ANTXR2: variants seen among roughly 807,000 people sequenced by gnomAD.
ANTXR2 encodes the protein ANTXR cell adhesion molecule 2.
A neutral mutation model predicts 73.7 loss-of-function variants in ANTXR2; 44 were observed. The observed-to-expected ratio is 0.60, with a 90% CI of 0.47 to 0.77. ANTXR2 has a LOEUF of 0.77. ANTXR2 is among the 30% of genes least tolerant of loss of function. The pLI is 0.00. For synonymous variants in ANTXR2, 217 were observed against 205.9 expected (o/e 1.05, Z -0.46); for missense variants, 604 against 592.5 (o/e 1.02, Z -0.20).
At chr4:79,926,936 CAT>C (rs1168631049) in intron 16 of ANTXR2, among the ~76,000 whole-genome samples, 17 of 68,024 alleles carry the variant, frequency 2.5e-4, no homozygotes, top group Admixed American at 6.0e-4. Context: ...TACACATGTG[CAT>C]ATATGTGTAT....
rs1279705822 is a variant in ANTXR2 at position 80,015,974 on chromosome 4, AAAGGAAAGGAAAG to A, written c.945+2911_945+2923del. ...AAAGGAAAGGAAAGGAAAGGAAAGG[AAAGGAAAGGAAAG>A]GAAAGGAAAGGAAAGGAGGGAGAGG... is the stretch of plus-strand genomic sequence containing the variant. On this transcript the variant is annotated intron_variant, in intron 11 of 16. Transcript: ENST00000403729. Among the ~76,000 whole-genome samples, 118 of 147,224 alleles carry A rather than the reference AAAGGAAAGGAAAG, an allele frequency of 8.0e-4. 15 individuals carry two copies. The East Asian group carries it at 0.01, about 13-fold the overall frequency.
chr4:80,007,663 G>A (rs1272152699), intron 12 of ANTXR2, among the ~76,000 whole-genome samples: 1 of 152,116 alleles, frequency 6.6e-6, no homozygotes, highest in Non-Finnish European at 1.5e-5. Context: ...AGGGAGATGT[G>A]ACTACAGAAA....
At chr4:79,992,705 C>T (rs1730530525) in intron 12 of ANTXR2, among the ~76,000 whole-genome samples, 1 of 151,994 alleles carries the variant, frequency 6.6e-6, no homozygotes, top group Non-Finnish European at 1.5e-5. Context: ...TATGAACTTG[C>T]ATGTCCAAAA....
At chr4:80,052,486 T>A (rs886937441) in intron 7 of ANTXR2, among the ~76,000 whole-genome samples, 3 of 151,666 alleles carry the variant, frequency 2.0e-5, no homozygotes, top group Non-Finnish European at 4.4e-5. Flanking sequence ...AAACCAGGTT[T>A]GGTTGTAATG....
chr4:80,018,698 G>A (rs959437924), intron 11 of ANTXR2, among the ~76,000 whole-genome samples, 200 bp downstream of exon 11: 3 of 151,954 alleles, frequency 2.0e-5, no homozygotes, highest in Admixed American at 6.6e-5. Flanking sequence ...CTACCTTAAA[G>A]TTCCTATAAA....
chr4:79,980,925 A>T (rs1461417815), intron 14 of ANTXR2, among the ~76,000 whole-genome samples: 2 of 49,764 alleles, frequency 4.0e-5, no homozygotes, highest in Non-Finnish European at 7.6e-5. Context: ...GGGCTTTAAA[A>T]AAAAAAAAAA....
chr4:79,998,963 G>A (rs1336785853), intron 12 of ANTXR2, among the ~76,000 whole-genome samples: 4 of 151,940 alleles, frequency 2.6e-5, no homozygotes, highest in African/African-American at 9.7e-5. Context: ...TGTATGGAAA[G>A]CCCACGCACA....
intron 3 of ANTXR2, among the ~76,000 whole-genome samples, chr4:80,066,187 T>C (rs913470490): frequency 5.3e-5 from 8 of 152,180 alleles, no homozygotes; most frequent in African/African-American, 1.9e-4. Flanking sequence ...TTATTGGAGG[T>C]TGTCCTATGC....
At chr4:80,047,808 T>C (rs1398729363) in intron 7 of ANTXR2, among the ~76,000 whole-genome samples, 1 of 151,688 alleles carries the variant, frequency 6.6e-6, no homozygotes, top group Non-Finnish European at 1.5e-5. Flanking sequence ...CCTGACAACA[T>C]GATTGATTCC....
chr4:79,995,805 A>G (rs1325766087), intron 12 of ANTXR2, among the ~76,000 whole-genome samples: 1 of 151,978 alleles, frequency 6.6e-6, no homozygotes, highest in African/African-American at 2.4e-5. Context: ...TATATTTTCT[A>G]CATTGTTAAT....
chr4:79,907,455 T>A lies in ANTXR2; in HGVS notation c.1441A>T (p.Asn481Tyr). The change falls in exon 17 of 17, where the codon AAC becomes TAC. Residue 481 changes from asparagine to tyrosine, a missense_variant. Transcript: ENST00000403729. Reference sequence around the variant, plus strand: ...TACTGAGATGGAACTCGGGAGAAGTTTATGCACCGGCCCTGAAGAAAGAAA... The same window carrying A: ...TACTGAGATGGAACTCGGGAGAAGTATATGCACCGGCCCTGAAGAAAGAAA... ...PQEGDEGRCI[N>Y]FSRVPSQ The A allele has an allele frequency of 6.2e-7, 1 of 1,613,284 alleles. No homozygotes were observed. Among genetic ancestry groups the A allele is most frequent in the Non-Finnish European group, 8.5e-7 (1 of 1,179,470 alleles).
Position 80,060,654 on chromosome 4 carries a change from C to A in ANTXR2, c.297-4641G>T, listed in dbSNP as rs151315363. Among the ~76,000 whole-genome samples the A allele has an allele frequency of 4.0e-4, 61 of 152,204 alleles. 1 individual carries two copies. The East Asian group carries it at 0.012, about 29-fold the overall frequency. ...CATTACAGTATATTATTATAAATGT[C>A]CTATTTTGTTATTAGTTATGGTTGT... On this transcript the variant is annotated intron_variant, in intron 3 of 16. Coordinates refer to ENST00000403729, the MANE Select transcript of ANTXR2 (RefSeq NM_058172.6).
intron 16 of ANTXR2, among the ~76,000 whole-genome samples, chr4:79,976,937 G>A (rs188488223): frequency 6.6e-6 from 1 of 152,156 alleles, no homozygotes; most frequent in African/African-American, 2.4e-5. Flanking sequence ...ATATGAAAAG[G>A]TTTTAATCAA....
chr4:79,929,639 C>T (rs1727982274), intron 16 of ANTXR2, among the ~76,000 whole-genome samples: 1 of 152,144 alleles, frequency 6.6e-6, no homozygotes, highest in Admixed American at 6.5e-5. Context: ...GATAGGCCCC[C>T]AGGCATTTTA....
rs1734681005 is a variant in ANTXR2, at chr4:80,069,482, C to A, written c.250G>T (p.Val84Leu). 1 of 1,604,680 alleles carries A rather than the reference C, an allele frequency of 6.2e-7. No homozygotes were observed. The highest frequency in any genetic ancestry group is 1.3e-5 in the African/African-American group (1 of 74,862). ...ATAATAGTTGCTTGAGAAGAAAACA[C>A]AATGAAAGATAATCTCATTTCAGGG... Reference protein sequence around the residue: ...VSPEMRLSFIVFSSQATIILP... With the variant: ...VSPEMRLSFILFSSQATIILP... Residue 84 changes from valine (V) to leucine (L), a missense_variant, in exon 3 of 17, where the codon GTG becomes TTG. Val to Leu is a conservative substitution (Grantham distance 32). Transcript: ENST00000403729.
At chr4:80,009,634 G>T (rs1310995482) in intron 11 of ANTXR2, among the ~76,000 whole-genome samples, 1 of 152,052 alleles carries the variant, frequency 6.6e-6, no homozygotes, top group Non-Finnish European at 1.5e-5. Flanking sequence ...TGATCACGAG[G>T]TCAGGAGTAT....
rs142392869 is a variant in ANTXR2 at position 79,932,128 on chromosome 4, C to G, written c.1429-24661G>C. ...GACTTGATATATCTTGTTCACTGATCTCTCACAGTGCCTGGTAATACATTG... is the reference window on the plus strand; with the variant it reads ...GACTTGATATATCTTGTTCACTGATGTCTCACAGTGCCTGGTAATACATTG... On this transcript the variant is annotated intron_variant, in intron 16 of 16. Coordinates refer to ENST00000403729, the MANE Select transcript of ANTXR2 (RefSeq NM_058172.6). Among the ~76,000 whole-genome samples the G allele has an allele frequency of 3.9e-3, 594 of 152,230 alleles. 3 individuals are homozygous for G. The highest frequency in any genetic ancestry group is 0.013 in the African/African-American group (556 of 41,536).
At chr4:79,932,032 T>C (rs1018175493) in intron 16 of ANTXR2, among the ~76,000 whole-genome samples, 1 of 152,184 alleles carries the variant, frequency 6.6e-6, no homozygotes, top group Non-Finnish European at 1.5e-5. Flanking sequence ...TTCAAATTAT[T>C]TCAAATTTCA....
chr4:79,975,850 C>G (rs1560924986), intron 16 of ANTXR2, among the ~76,000 whole-genome samples: 1 of 151,470 alleles, frequency 6.6e-6, no homozygotes, highest in African/African-American at 2.4e-5. Flanking sequence ...TACTTATGGT[C>G]TTAGCAAACA....
Sources: allele counts gnomAD v4.1 joint callset (sites outside exome capture counted in the v4.1 genomes callset), GRCh38; gene constraint gnomAD v4.1.1; transcripts MANE v1.5; gene names NCBI Gene and HGNC (gene_info 2026-07-23, HGNC 2026-07-21).